The following ARFGEF2 variants were observed in gnomAD, a reference collection of about 807,000 sequenced individuals.
ARFGEF2 encodes brefeldin A-inhibited guanine nucleotide-exchange protein 2.
Under a neutral mutation model 219.9 loss-of-function variants are expected in ARFGEF2, and 74 were observed. The observed-to-expected ratio is 0.34, with a 90% CI of 0.28 to 0.41. The LOEUF is 0.41. Among genes scored for constraint, ARFGEF2 ranks in the 10% least tolerant of loss-of-function variants. ARFGEF2 has a pLI of 1.00. For synonymous variants in ARFGEF2, 733 were observed against 799.2 expected (o/e 0.92, Z 1.40); for missense variants, 1,743 against 2,218.3 (o/e 0.79, Z 4.30).
At chr20:48,926,112 G>A (rs1172962088) in intron 1 of ARFGEF2, among the ~76,000 whole-genome samples, 3 of 152,204 alleles carry the variant, frequency 2.0e-5, no homozygotes, top group Admixed American at 6.5e-5. Context: ...AACTCAGTAA[G>A]TGATGGAACC....
intron 38 of ARFGEF2, among the ~76,000 whole-genome samples, chr20:49,032,705 C>T (rs2091643726): frequency 6.6e-6 from 1 of 151,926 alleles, no homozygotes; most frequent in South Asian, 2.1e-4. Flanking sequence ...GATCCTCCCA[C>T]CTCAGCCTCC....
chr20:48,996,316 G>T (rs576859819), intron 23 of ARFGEF2, among the ~76,000 whole-genome samples: 1 of 151,802 alleles, frequency 6.6e-6, no homozygotes, highest in East Asian at 1.9e-4. Flanking sequence ...TTAGTCAGGC[G>T]TGGTGGTGGG....
At chr20:48,957,623 A>G (rs962595878) in intron 6 of ARFGEF2, among the ~76,000 whole-genome samples, 2 of 152,176 alleles carry the variant, frequency 1.3e-5, no homozygotes, top group African/African-American at 4.8e-5. Context: ...CATGCTTGAA[A>G]CTTAGATACA....
In ARFGEF2 at chr20:49,034,991, T is replaced by C. The variant is rs988903264; in HGVS notation, c.*1792T>C. On this transcript the variant is annotated 3_prime_UTR_variant, in exon 39 of 39. Coordinates refer to ENST00000371917, the MANE Select transcript of ARFGEF2 (RefSeq NM_006420.3). Reference sequence around the variant, plus strand: ...AGAATACTTTACTGTGAGTGGAAAATGTTAGCACATTTGACTGGTTTGCCC... The same window carrying C: ...AGAATACTTTACTGTGAGTGGAAAACGTTAGCACATTTGACTGGTTTGCCC... The C allele has an allele frequency of 2.6e-5, 4 of 152,212 alleles. No homozygotes were observed. Among genetic ancestry groups the C allele is most frequent in the African/African-American group, 9.6e-5 (4 of 41,456 alleles). 9.4% of individuals were successfully genotyped at this position (152,212 alleles called of 1,614,324 possible). A position where few individuals can be genotyped will look rare whatever the true frequency, so the allele number is the denominator to read the frequency against.
intron 34 of ARFGEF2, among the ~76,000 whole-genome samples, chr20:49,022,637 G>C (rs769423527): frequency 1.8e-4 from 27 of 152,160 alleles, no homozygotes; most frequent in Non-Finnish European, 3.5e-4. Flanking sequence ...CATTTTTATA[G>C]AGACTTTTCC....
intron 26 of ARFGEF2, 98 bp from the exon 27 acceptor site, chr20:49,010,134 A>C: frequency 6.9e-7 from 1 of 1,449,328 alleles, no homozygotes; most frequent in Non-Finnish European, 9.4e-7. Context: ...GTGTGCTATA[A>C]GAAATGTTTA....
chr20:48,929,125 A>G (rs1489232849), intron 1 of ARFGEF2, among the ~76,000 whole-genome samples: 1 of 152,226 alleles, frequency 6.6e-6, no homozygotes, highest in Non-Finnish European at 1.5e-5. Context: ...TGCCAGGAAA[A>G]TACTTGACTT....
At chr20:48,996,696 A>G (rs1295747995) in intron 23 of ARFGEF2, among the ~76,000 whole-genome samples, 1 of 150,312 alleles carries the variant, frequency 6.7e-6, no homozygotes, top group Non-Finnish European at 1.5e-5. Context: ...GTGGGCCGAG[A>G]TCGCGCCATT....
Position 49,011,035 on chromosome 20 carries a change from C to G in ARFGEF2, c.3757+631C>G, listed in dbSNP as rs6019581. The stretch of plus-strand genomic sequence containing the variant: ...GATTTCACTGTTTAAAATGCCCCCC[C>G]AAGCATAGTGCTGAATGCTGGGTAG... On this transcript the variant is annotated intron_variant, in intron 27 of 38. Transcript: ENST00000371917. Among the ~76,000 whole-genome samples the G allele has an allele frequency of 1.9e-4, 29 of 152,142 alleles. No homozygotes were observed. The Middle Eastern group carries it at 0.014, about 71-fold the overall frequency.
Position 48,965,861 on chromosome 20 carries a change from T to A in ARFGEF2, c.908-11T>A. ...ACTAATTTGGCTATGACTTTGTACT[T>A]GTGTTTTAAGAAGCAGCGGAAAAGC... On this transcript the variant is annotated splice_polypyrimidine_tract_variant and intron_variant, in intron 7 of 38. Transcript: ENST00000371917. The A allele has an allele frequency of 6.2e-7, 1 of 1,614,106 alleles. No homozygotes were observed. Among genetic ancestry groups the A allele is most frequent in the Non-Finnish European group, 8.5e-7 (1 of 1,179,980 alleles).
chr20:48,998,311 T>C, intron 24 of ARFGEF2, 25 bp from the exon 25 acceptor site: 2 of 1,614,222 alleles, frequency 1.2e-6, no homozygotes, highest in Non-Finnish European at 1.7e-6. Flanking sequence ...GAGGCTTTGC[T>C]TGTGTTGTTG....
chr20:49,006,001 A>T (rs2091457182), intron 26 of ARFGEF2, among the ~76,000 whole-genome samples: 1 of 151,964 alleles, frequency 6.6e-6, no homozygotes, highest in Admixed American at 6.6e-5. Flanking sequence ...AGACATTTTA[A>T]AATCCTGTGT....
intron 2 of ARFGEF2, among the ~76,000 whole-genome samples, chr20:48,941,600 G>A (rs2090993458): frequency 6.6e-6 from 1 of 152,198 alleles, no homozygotes; most frequent in African/African-American, 2.4e-5. Context: ...CGTTAGTCAC[G>A]TTTCAGAGAT....
chr20:48,961,733 A>G lies in ARFGEF2; in HGVS notation c.839-2097A>G, dbSNP rs188162295. Among the ~76,000 whole-genome samples, 524 of 151,874 alleles carry G rather than the reference A, an allele frequency of 3.5e-3. 5 individuals are homozygous for G. Among genetic ancestry groups the G allele is most frequent in the Middle Eastern group, 0.014 (4 of 292 alleles). ...ACAAAAATTAGCTGGGTGTGGTGGC[A>G]GACGCCTATAATCCCAGTTACTCAG... On this transcript the variant is annotated intron_variant, in intron 6 of 38. Transcript: ENST00000371917.
At chr20:48,953,885 AC>A in intron 6 of ARFGEF2, 95 bp downstream of exon 6, 17 of 1,186,774 alleles carry the variant, frequency 1.4e-5, no homozygotes, top group Non-Finnish European at 1.7e-5. Context: ...TCTGAAGGAA[AC>A]CTCTGATAAC....
chr20:48,950,839 T>C (rs1332054598), intron 3 of ARFGEF2, among the ~76,000 whole-genome samples: 1 of 133,180 alleles, frequency 7.5e-6, no homozygotes, highest in Non-Finnish European at 1.6e-5. Flanking sequence ...TATATATATA[T>C]ATATATATGT....
intron 33 of ARFGEF2, among the ~76,000 whole-genome samples, chr20:49,018,638 G>C (rs1201310038): frequency 1.3e-5 from 2 of 152,186 alleles, no homozygotes; most frequent in Non-Finnish European, 2.9e-5. Context: ...CTAATATGTA[G>C]AGAAATGTCC....
intron 25 of ARFGEF2, among the ~76,000 whole-genome samples, chr20:48,999,664 G>A (rs759606051): frequency 1.3e-4 from 20 of 150,646 alleles, no homozygotes; most frequent in African/African-American, 3.7e-4. Flanking sequence ...GAAGAATGGC[G>A]TGAACCCGGG....
At position 49,017,278 on chromosome 20, in the gene ARFGEF2, A is replaced by G. The variant is rs1194425052; in HGVS notation, c.4345A>G (p.Asn1449Asp). 6.2e-7 allele frequency: 1 copy of G among 1,613,928 alleles called. No individual in the cohort carries two copies. Among genetic ancestry groups the G allele is most frequent in the African/African-American group, 1.3e-5 (1 of 74,932 alleles). ...TGAACAGTTGGCGCGATCAGGTACA[A>G]ATTGCTTAGAAAACTTAGTAATATC... Reference protein sequence around the residue: ...DNEQLARSGTNCLENLVISNG... With the variant: ...DNEQLARSGTDCLENLVISNG... The change falls in exon 32 of 39, where the codon AAT becomes GAT. Residue 1449 changes from asparagine (N) to aspartate (D), a missense_variant. By Grantham distance (23) the Asn-to-Asp change is conservative. Coordinates refer to ENST00000371917, the MANE Select transcript of ARFGEF2 (RefSeq NM_006420.3).
Sources: allele counts gnomAD v4.1 joint callset (sites outside exome capture counted in the v4.1 genomes callset), GRCh38; gene constraint gnomAD v4.1.1; transcripts MANE v1.5; gene names NCBI Gene and HGNC (gene_info 2026-07-23, HGNC 2026-07-21).